Variants in PCDHA1 observed in about 807,000 individuals in gnomAD.
PCDHA1 encodes protocadherin alpha 1.
A neutral mutation model predicts 61.3 loss-of-function variants in PCDHA1; 42 were observed. The observed-to-expected ratio is 0.69, with a 90% CI of 0.54 to 0.89. The LOEUF is 0.89. Among genes scored for constraint, PCDHA1 ranks in the 40% least tolerant of loss-of-function variants. The probability of loss-of-function intolerance (pLI) is 0.00; values close to 1 mark genes in which losing one functional copy is unlikely to be tolerated. For missense variants in PCDHA1, 1,256 were observed against 1,235.3 expected (o/e 1.02, Z -0.25); for synonymous variants, 610 against 553.8 (o/e 1.10, Z -1.43).
chr5:140,829,909 G>A, intron 1 of PCDHA1: 1 of 1,613,992 alleles, frequency 6.2e-7, no homozygotes, highest in Non-Finnish European at 8.5e-7. Context: ...ACAACGCGTG[G>A]CTTTCGTATG....
intron 1 of PCDHA1, chr5:140,801,333 G>C (rs1581641335): frequency 1.2e-6 from 2 of 1,613,254 alleles, no homozygotes; most frequent in East Asian, 4.5e-5. Context: ...CACCTTCGTG[G>C]GCCGCATCGC....
At chr5:140,837,760 T>C (rs1554136627) in intron 1 of PCDHA1, among the ~76,000 whole-genome samples, 1 of 151,798 alleles carries the variant, frequency 6.6e-6, no homozygotes, top group African/African-American at 2.4e-5. Context: ...CACTGCAACC[T>C]GAAAGTCCTG....
In PCDHA1 at chr5:140,876,738, G is replaced by A. The variant is rs782179304; in HGVS notation, c.2394+88054G>A. 3.1e-6 allele frequency: 5 copies of A among 1,614,264 alleles called. No individual in the cohort carries two copies. In the Admixed American group the frequency reaches 5.0e-5, roughly 16 times the overall value. ...ACCGCGAGAGCGTGTCGGCCTATGA[G>A]CTGGTGGTGACTGCGCGGGATGGGG... On this transcript the variant is annotated intron_variant, in intron 1 of 3. Coordinates refer to ENST00000504120, the MANE Select transcript of PCDHA1 (RefSeq NM_018900.4).
chr5:140,943,435 A>G (rs941814689), intron 1 of PCDHA1, among the ~76,000 whole-genome samples: 2 of 152,148 alleles, frequency 1.3e-5, no homozygotes, highest in African/African-American at 4.8e-5. Flanking sequence ...AATATGATAT[A>G]AAGGATAGAA....
chr5:140,892,262 T>G (rs1554185143), intron 1 of PCDHA1, among the ~76,000 whole-genome samples: 1 of 152,188 alleles, frequency 6.6e-6, no homozygotes, highest in African/African-American at 2.4e-5. Flanking sequence ...TTTGATTTTG[T>G]GCTGAAAGTT....
chr5:140,844,883 C>T (rs932765025), intron 1 of PCDHA1, among the ~76,000 whole-genome samples: 1 of 149,278 alleles, frequency 6.7e-6, no homozygotes, highest in African/African-American at 2.5e-5. Flanking sequence ...CATTAGACTT[C>T]GTGCATATTG....
rs1562723002 is a variant in PCDHA1, at chr5:140,876,958, G to C, written c.2394+88274G>C. 3 of 1,613,288 alleles carry C rather than the reference G, an allele frequency of 1.9e-6. No individual in the cohort carries two copies. The East Asian group carries it at 6.7e-5, about 36-fold the overall frequency. On this transcript the variant is annotated intron_variant, in intron 1 of 3. Transcript: ENST00000504120. ...CGCGCTGGTGTCCTACTCGCTGGTG[G>C]AGCGGCGGGTGGGCGAGCACGCACT...
At chr5:140,831,548 A>G in intron 1 of PCDHA1, among the ~76,000 whole-genome samples, 1 of 127,154 alleles carries the variant, frequency 7.9e-6, no homozygotes, top group Non-Finnish European at 1.6e-5. Flanking sequence ...TTTTTTTAAG[A>G]GATGGGGTTT....
rs2150119705 is a variant in PCDHA1, at chr5:140,822,833, C to A, written c.2394+34149C>A. The stretch of plus-strand genomic sequence containing the variant: ...AATACCCCAGAGATGGCCATAACCA[C>A]CCTTTTCCTGCCTGTCAAAGAGGAC... On this transcript the variant is annotated intron_variant, in intron 1 of 3. Coordinates refer to ENST00000504120, the MANE Select transcript of PCDHA1 (RefSeq NM_018900.4). The A allele has an allele frequency of 0.011, 17,399 of 1,614,148 alleles. 1,609 individuals carry two copies. In the African/African-American group the frequency reaches 0.2, roughly 19 times the overall value.
rs141394050 is a variant in PCDHA1 at position 140,948,629 on chromosome 5, T to C, written c.2395-30320T>C. 8.2e-3 allele frequency among the ~76,000 whole-genome samples: 1,244 copies of C among 151,828 alleles called. 11 individuals are homozygous for C. Among genetic ancestry groups the C allele is most frequent in the Non-Finnish European group, 0.013 (908 of 67,578 alleles). On this transcript the variant is annotated intron_variant, in intron 1 of 3. Transcript: ENST00000504120. ...TTTTGGCACAAAGTTGTTAATAATA[T>C]TCTCTCATCTTTTAACGTCTGTATA...
intron 1 of PCDHA1, among the ~76,000 whole-genome samples, chr5:140,947,645 A>AT (rs2094157342): frequency 6.6e-6 from 1 of 151,670 alleles, no homozygotes; most frequent in East Asian, 1.9e-4. Context: ...GTATGAACAT[A>AT]TATACCTCCA....
intron 1 of PCDHA1, among the ~76,000 whole-genome samples, chr5:140,798,607 T>G (rs782699606): frequency 6.6e-6 from 1 of 152,202 alleles, no homozygotes; most frequent in African/African-American, 2.4e-5. Context: ...TCTAATTCTA[T>G]GCGTGGGAAT....
chr5:140,862,881 T>C, intron 1 of PCDHA1: 3 of 564,618 alleles, frequency 5.3e-6, no homozygotes, highest in Non-Finnish European at 1.0e-5. Context: ...GTATTAGTGC[T>C]GGAACGACAA....
chr5:140,926,414 A>C, intron 1 of PCDHA1: 1 of 152,834 alleles, frequency 6.5e-6, no homozygotes, highest in Non-Finnish European at 1.5e-5. Context: ...ATCTGCGGGC[A>C]GAGGATGTGG....
chr5:140,914,458 A>T (rs1294717004), intron 1 of PCDHA1, among the ~76,000 whole-genome samples: 2 of 152,004 alleles, frequency 1.3e-5, no homozygotes, highest in African/African-American at 4.8e-5. Flanking sequence ...TTTCCAGTCT[A>T]TGTGTATCTT....
chr5:140,823,270 G>A, intron 1 of PCDHA1: 1 of 1,612,658 alleles, frequency 6.2e-7, no homozygotes, highest in Non-Finnish European at 8.5e-7. Flanking sequence ...GCGGCGGGTG[G>A]GCGAGCGCCC....
At chr5:140,928,676 G>A in intron 1 of PCDHA1, 2 of 1,614,166 alleles carry the variant, frequency 1.2e-6, no homozygotes, top group East Asian at 2.2e-5. Context: ...TCTAATGCCT[G>A]GCTTTCCTAC....
At chr5:140,789,702 A>AT (rs1258573702) in intron 1 of PCDHA1, among the ~76,000 whole-genome samples, 2 of 152,110 alleles carry the variant, frequency 1.3e-5, no homozygotes, top group Non-Finnish European at 2.9e-5. Flanking sequence ...TCACTCACAA[A>AT]TGTTCTAAAA....
At chr5:140,904,443 A>G (rs1345999576) in intron 1 of PCDHA1, among the ~76,000 whole-genome samples, 8 of 151,082 alleles carry the variant, frequency 5.3e-5, no homozygotes, top group African/African-American at 1.5e-4. Flanking sequence ...GTATATTACA[A>G]TTTCTTTATA....
Sources: gnomAD v4.1 joint callset for allele counts (sites outside exome capture counted in the v4.1 genomes callset) on GRCh38, gnomAD v4.1.1 for gene constraint, MANE v1.5 for transcripts, NCBI Gene and HGNC (gene_info 2026-07-23, HGNC 2026-07-21) for gene names.